The following MEGF11 variants were observed in gnomAD, a reference collection of about 807,000 sequenced individuals.
MEGF11 encodes the protein multiple EGF like domains 11.
A neutral mutation model predicts 146.6 loss-of-function variants in MEGF11; 126 were observed. The observed-to-expected ratio is 0.86, with a 90% CI of 0.74 to 1.00. The LOEUF is 1.00. MEGF11 is among the 50% of genes least tolerant of loss of function. The pLI, the probability that MEGF11 is intolerant of heterozygous loss-of-function variation, is 0.00. For synonymous variants in MEGF11, 532 were observed against 583.4 expected (o/e 0.91, Z 1.27); for missense variants, 1,509 against 1,521.2 (o/e 0.99, Z 0.13).
At chr15:66,102,898 A>G (rs1305244851) in intron 4 of MEGF11, among the ~76,000 whole-genome samples, 1 of 152,224 alleles carries the variant, frequency 6.6e-6, no homozygotes, top group Non-Finnish European at 1.5e-5. Context: ...GTACTGGATA[A>G]TAAGAGCTGA....
Position 65,897,867 on chromosome 15 carries a change from A to G in MEGF11, c.*67T>C, listed in dbSNP as rs1193899408. 1 of 1,479,488 alleles carries G rather than the reference A, an allele frequency of 6.8e-7. No homozygotes were observed. The allele number at this position is 1,479,488 out of a possible 1,614,324, so 91.6% of individuals were successfully genotyped here. A position where few individuals can be genotyped will look rare whatever the true frequency, so the allele number is the denominator to read the frequency against. ...CAGTCTGTACCATTACTTCAAGTCA[A>G]GGGACTGTCTTCTTTCAGAGTCAGA... On this transcript the variant is annotated 3_prime_UTR_variant, in exon 26 of 26. Coordinates refer to ENST00000395614, the MANE Select transcript of MEGF11 (RefSeq NM_001385028.1).
intron 9 of MEGF11, among the ~76,000 whole-genome samples, chr15:65,958,873 T>TTTTAGATTCCTTGTGGCACTGGCC (rs2080756888): frequency 6.6e-6 from 1 of 152,144 alleles, no homozygotes; most frequent in African/African-American, 2.4e-5. Context: ...GAGACAAGCC[T>TTTTAGATTCCTTGTGGCACTGGCC]TTTAGATTCC....
At chr15:65,932,973 C>T (rs903043683) in intron 10 of MEGF11, among the ~76,000 whole-genome samples, 2 of 152,130 alleles carry the variant, frequency 1.3e-5, no homozygotes, top group African/African-American at 2.4e-5. Flanking sequence ...TCTGAAATGA[C>T]AGGCTTGGCA....
At chr15:66,062,035 A>G (rs1352357883) in intron 5 of MEGF11, among the ~76,000 whole-genome samples, 1 of 152,224 alleles carries the variant, frequency 6.6e-6, no homozygotes, top group Non-Finnish European at 1.5e-5. Flanking sequence ...TGCTGGGATT[A>G]CAGGTGTGAG....
chr15:66,054,118 C>T (rs2084577146), intron 5 of MEGF11, among the ~76,000 whole-genome samples: 1 of 152,156 alleles, frequency 6.6e-6, no homozygotes, highest in East Asian at 1.9e-4. Flanking sequence ...GTCCCCAGTT[C>T]CCAGCTCTGC....
chr15:66,085,333 T>C (rs1308700693), intron 5 of MEGF11, among the ~76,000 whole-genome samples: 1 of 152,140 alleles, frequency 6.6e-6, no homozygotes, highest in Non-Finnish European at 1.5e-5. Context: ...TAGCTGATGC[T>C]TTCTGGAAAG....
At chr15:65,987,455 T>C in intron 5 of MEGF11, among the ~76,000 whole-genome samples, 1 of 152,210 alleles carries the variant, frequency 6.6e-6, no homozygotes, top group Non-Finnish European at 1.5e-5. Flanking sequence ...AATTTTATTC[T>C]CTTAAGATTA....
At chr15:66,149,876 C>T (rs1350650996) in intron 1 of MEGF11, among the ~76,000 whole-genome samples, 1 of 152,250 alleles carries the variant, frequency 6.6e-6, no homozygotes. Context: ...TTCCCAGCCC[C>T]ACCAGACCTC....
intron 10 of MEGF11, among the ~76,000 whole-genome samples, chr15:65,935,373 C>T (rs1242288843): frequency 1.5e-5 from 2 of 130,462 alleles, no homozygotes; most frequent in Non-Finnish European, 3.2e-5. Flanking sequence ...GGCAAAACAG[C>T]CTGGAGCTTT....
In MEGF11 at chr15:66,053,966, G is replaced by T. The variant is rs192345572; in HGVS notation, c.394+40436C>A. On this transcript the variant is annotated intron_variant, in intron 5 of 25. Coordinates refer to ENST00000395614, the MANE Select transcript of MEGF11 (RefSeq NM_001385028.1). ...TTGAACTCCTGAGCTCAAGCAATCTGCCCAGCTCAGCCTCCCAAAGTGCTG... is the reference window on the plus strand; with the variant it reads ...TTGAACTCCTGAGCTCAAGCAATCTTCCCAGCTCAGCCTCCCAAAGTGCTG... Among the ~76,000 whole-genome samples the T allele has an allele frequency of 1.6e-3, 241 of 151,962 alleles. 1 individual carries two copies. The highest frequency in any genetic ancestry group is 6.8e-3 in the Middle Eastern group (2 of 294).
At chr15:66,024,632 TG>T (rs760857651) in intron 5 of MEGF11, among the ~76,000 whole-genome samples, 48 of 152,196 alleles carry the variant, frequency 3.2e-4, no homozygotes, top group Admixed American at 5.2e-4. Flanking sequence ...ATCTTGCAGA[TG>T]TGAAAACTGG....
At chr15:66,191,844 G>A (rs911351486) in intron 1 of MEGF11, among the ~76,000 whole-genome samples, 11 of 152,146 alleles carry the variant, frequency 7.2e-5, no homozygotes, top group African/African-American at 2.7e-4. Flanking sequence ...GGGAGGCCGA[G>A]GTGGGTGGAT....
At chr15:66,074,702 A>G (rs1164541736) in intron 5 of MEGF11, among the ~76,000 whole-genome samples, 1 of 152,214 alleles carries the variant, frequency 6.6e-6, no homozygotes, top group Non-Finnish European at 1.5e-5. Flanking sequence ...TGAGGTTGGT[A>G]TTATCTCCAG....
intron 2 of MEGF11, among the ~76,000 whole-genome samples, chr15:66,127,842 C>T (rs532346655): frequency 7.0e-6 from 1 of 142,416 alleles, no homozygotes; most frequent in East Asian, 2.0e-4. Context: ...TAGTGGGACC[C>T]CCTCACCCGT....
At chr15:65,975,903 C>T (rs1449440358) in intron 7 of MEGF11, among the ~76,000 whole-genome samples, 1 of 152,264 alleles carries the variant, frequency 6.6e-6, no homozygotes, top group South Asian at 2.1e-4. Flanking sequence ...GGAGTCATCA[C>T]CCACTGCTGG....
intron 1 of MEGF11, among the ~76,000 whole-genome samples, chr15:66,139,609 TAA>T (rs60872045): frequency 2.6e-3 from 372 of 142,808 alleles, no homozygotes; most frequent in Admixed American, 3.0e-3. Flanking sequence ...CACAGTAGGA[TAA>T]AAAAAAAAAA....
chr15:66,109,294 G>T (rs2087260734), intron 4 of MEGF11, among the ~76,000 whole-genome samples: 1 of 152,038 alleles, frequency 6.6e-6, no homozygotes, highest in Non-Finnish European at 1.5e-5. Flanking sequence ...CCACCTCACG[G>T]CATCGCTTGC....
chr15:66,181,792 G>A (rs183729487), intron 1 of MEGF11, among the ~76,000 whole-genome samples: 63 of 152,192 alleles, frequency 4.1e-4, no homozygotes, highest in African/African-American at 1.4e-3. Flanking sequence ...TGTCTCTGCC[G>A]CTTATCAGCC....
At chr15:66,023,734 C>T (rs911968979) in intron 5 of MEGF11, among the ~76,000 whole-genome samples, 1 of 152,198 alleles carries the variant, frequency 6.6e-6, no homozygotes, top group Non-Finnish European at 1.5e-5. Flanking sequence ...CCCTGCTGCC[C>T]TGGGCAGATA....
Sources: allele counts gnomAD v4.1 joint callset (sites outside exome capture counted in the v4.1 genomes callset), GRCh38; gene constraint gnomAD v4.1.1; transcripts MANE v1.5; gene names NCBI Gene and HGNC (gene_info 2026-07-23, HGNC 2026-07-21).